SGCZ: variants seen among roughly 807,000 people sequenced by gnomAD.
SGCZ encodes sarcoglycan zeta.
Under a neutral mutation model 41.3 loss-of-function variants are expected in SGCZ, and 40 were observed. The observed-to-expected ratio is 0.97, with a 90% CI of 0.75 to 1.26. SGCZ has a LOEUF of 1.26. SGCZ is among the 50% of genes most tolerant of loss of function. The pLI is 0.00. For missense variants in SGCZ, 552 were observed against 369.8 expected (o/e 1.49, Z -4.04); for synonymous variants, 206 against 137.5 (o/e 1.50, Z -3.49).
chr8:14,505,932 G>T (rs903895890), intron 2 of SGCZ, among the ~76,000 whole-genome samples: 5 of 152,110 alleles, frequency 3.3e-5, no homozygotes, highest in African/African-American at 9.7e-5. Flanking sequence ...GTTCAGGATG[G>T]TCCAAAGACA....
At chr8:14,954,985 A>G (rs1217300523) in intron 1 of SGCZ, among the ~76,000 whole-genome samples, 1 of 152,188 alleles carries the variant, frequency 6.6e-6, no homozygotes, top group African/African-American at 2.4e-5. Context: ...TAATCAAATA[A>G]GATATAGGAC....
intron 1 of SGCZ, among the ~76,000 whole-genome samples, chr8:15,069,155 T>C (rs1805261443): frequency 6.6e-6 from 1 of 152,188 alleles, no homozygotes; most frequent in Admixed American, 6.5e-5. Context: ...TACTCCAAAA[T>C]TTATGACAAT....
intron 1 of SGCZ, chr8:14,879,682 T>C (rs1804508730): frequency 6.6e-6 from 1 of 152,154 alleles, no homozygotes; most frequent in Admixed American, 6.6e-5. Context: ...CAATAAGTTT[T>C]TTCAGTTCCC....
intron 1 of SGCZ, among the ~76,000 whole-genome samples, chr8:14,561,390 G>A (rs1804203457): frequency 6.6e-6 from 1 of 152,140 alleles, no homozygotes; most frequent in East Asian, 1.9e-4. Flanking sequence ...ATTTCAGAGA[G>A]TTGATCACAA....
chr8:14,275,181 C>T (rs1211678309), intron 3 of SGCZ, among the ~76,000 whole-genome samples: 1 of 152,032 alleles, frequency 6.6e-6, no homozygotes, highest in Non-Finnish European at 1.5e-5. Context: ...GTTAAGTAAC[C>T]AACATCAAAC....
intron 1 of SGCZ, among the ~76,000 whole-genome samples, chr8:15,076,398 CTG>C (rs1290997369): frequency 6.6e-6 from 1 of 152,058 alleles, no homozygotes; most frequent in African/African-American, 2.4e-5. Flanking sequence ...GGAGAGAAAA[CTG>C]TGATTGCAGA....
At chr8:14,101,983 CGTGAATGGGA>C (rs987633469) in intron 7 of SGCZ, among the ~76,000 whole-genome samples, 71 of 150,822 alleles carry the variant, frequency 4.7e-4, no homozygotes, top group Non-Finnish European at 8.4e-4. Flanking sequence ...CCCATGGGTT[CGTGAATGGGA>C]GTGAATGGGT....
intron 1 of SGCZ, among the ~76,000 whole-genome samples, chr8:15,136,226 T>C (rs1808100598): frequency 6.6e-6 from 1 of 152,086 alleles, no homozygotes; most frequent in South Asian, 2.1e-4. Context: ...CTCAGGATCA[T>C]TTTGTATGCA....
At chr8:14,218,781 G>T (rs879926735) in intron 4 of SGCZ, among the ~76,000 whole-genome samples, 1 of 152,166 alleles carries the variant, frequency 6.6e-6, no homozygotes, top group African/African-American at 2.4e-5. Flanking sequence ...CATCAACAAC[G>T]CATTTGGTCC....
At chr8:14,140,446 T>A (rs1803334253) in intron 5 of SGCZ, among the ~76,000 whole-genome samples, 2 of 152,276 alleles carry the variant, frequency 1.3e-5, no homozygotes, top group East Asian at 3.9e-4. Flanking sequence ...AAAATCTCCT[T>A]AAGCTGATAA....
chr8:14,294,685 T>C (rs568568519), intron 3 of SGCZ, among the ~76,000 whole-genome samples: 3 of 152,088 alleles, frequency 2.0e-5, no homozygotes, highest in Admixed American at 6.5e-5. Flanking sequence ...AAAGAACTTG[T>C]ATGTAGAATA....
chr8:14,607,927 A>T (rs1270343519), intron 1 of SGCZ, among the ~76,000 whole-genome samples: 1 of 152,226 alleles, frequency 6.6e-6, no homozygotes, highest in Admixed American at 6.5e-5. Context: ...TGTTCAGGCC[A>T]CTTGGAGTAA....
chr8:14,391,141 G>T (rs1053861353), intron 2 of SGCZ, among the ~76,000 whole-genome samples: 14 of 152,028 alleles, frequency 9.2e-5, no homozygotes. Context: ...AGGCTCTAGG[G>T]GTGATCTGAA....
chr8:15,006,682 A>G (rs981317318), intron 1 of SGCZ, among the ~76,000 whole-genome samples: 9 of 152,204 alleles, frequency 5.9e-5, no homozygotes, highest in Non-Finnish European at 1.2e-4. Context: ...TAATCCACCA[A>G]TGGTGGGATC....
intron 1 of SGCZ, among the ~76,000 whole-genome samples, chr8:14,953,071 G>T (rs1291678573): frequency 1.3e-5 from 2 of 152,040 alleles, no homozygotes; most frequent in African/African-American, 2.4e-5. Flanking sequence ...AAAATCAGAC[G>T]TTTGTGTGTG....
chr8:14,344,213 G>T (rs1554503241), intron 2 of SGCZ, among the ~76,000 whole-genome samples: 1 of 151,844 alleles, frequency 6.6e-6, no homozygotes, highest in Non-Finnish European at 1.5e-5. Context: ...GAATAGAGGA[G>T]ACCAGTAGAC....
At chr8:14,155,920 T>TAC (rs1264495419) in intron 5 of SGCZ, among the ~76,000 whole-genome samples, 2 of 152,126 alleles carry the variant, frequency 1.3e-5, no homozygotes, top group African/African-American at 4.8e-5. Flanking sequence ...CTCTACTGAA[T>TAC]ACTATAGTCA....
intron 1 of SGCZ, among the ~76,000 whole-genome samples, chr8:15,175,552 G>A (rs778819827): frequency 6.6e-6 from 1 of 152,074 alleles, no homozygotes; most frequent in Non-Finnish European, 1.5e-5. Flanking sequence ...GAGGGTAGGA[G>A]GAAGGAGAGC....
At chr8:14,851,288 G>A (rs1803311760) in intron 1 of SGCZ, among the ~76,000 whole-genome samples, 1 of 132,742 alleles carries the variant, frequency 7.5e-6, no homozygotes, top group African/African-American at 2.9e-5. Context: ...AGAATGGCAT[G>A]AACCTGGGAG....
Sources: gnomAD v4.1 joint callset for allele counts (sites outside exome capture counted in the v4.1 genomes callset) on GRCh38, gnomAD v4.1.1 for gene constraint, MANE v1.5 for transcripts, NCBI Gene and HGNC (gene_info 2026-07-23, HGNC 2026-07-21) for gene names.